The following DCDC2C variants were observed in gnomAD, a reference collection of about 807,000 sequenced individuals.
DCDC2C encodes doublecortin domain containing 2C, also known as doublecortin domain-containing protein 2C.
DCDC2C carries 44 observed loss-of-function variants against 45.0 expected under a neutral mutation model. The observed-to-expected ratio is 0.98, with a 90% confidence interval of 0.77 to 1.26. The LOEUF is 1.26. Ranked by LOEUF, DCDC2C falls within the 50% of genes most tolerant of loss-of-function variation. The pLI, the probability that DCDC2C is intolerant of heterozygous loss-of-function variation, is 0.00. For synonymous variants in DCDC2C, 187 were observed against 178.8 expected, an observed-to-expected ratio of 1.05 and a Z score of -0.37; for missense variants, 447 against 468.9, an observed-to-expected ratio of 0.95 and a Z score of 0.43.
intron 10 of DCDC2C, among the ~76,000 whole-genome samples, chr2:3,826,031 A>C (rs1435952725): frequency 5.3e-5 from 8 of 152,202 alleles, no homozygotes; most frequent in African/African-American, 1.7e-4. Context: ...TTTAAGAAAA[A>C]GTTGCCCTTA....
At chr2:3,709,915 G>A (rs115713705) in intron 2 of DCDC2C, among the ~76,000 whole-genome samples, 1,767 of 152,240 alleles carry the variant, frequency 0.012, 38 homozygotes, top group African/African-American at 0.039. Flanking sequence ...GTCTACAGAC[G>A]TGAAACACTG....
chr2:3,752,964 C>G, intron 5 of DCDC2C, 64 bp downstream of exon 5: 1 of 1,506,512 alleles, frequency 6.6e-7, no homozygotes, highest in Middle Eastern at 1.7e-4. Flanking sequence ...TCCCCAGTAT[C>G]TCTCCCAAAT....
intron 6 of DCDC2C, among the ~76,000 whole-genome samples, chr2:3,764,593 A>G (rs567888452): frequency 2.0e-5 from 3 of 152,358 alleles, no homozygotes; most frequent in African/African-American, 7.2e-5. Flanking sequence ...TTCCCCAGCC[A>G]TGTGGAACTG....
intron 8 of DCDC2C, among the ~76,000 whole-genome samples, chr2:3,777,146 T>C (rs544757706): frequency 6.6e-6 from 1 of 152,358 alleles, no homozygotes; most frequent in South Asian, 2.1e-4. Context: ...GTGCACATGC[T>C]GCTCCATGCA....
At chr2:3,715,576 TTCCATCCA>T (rs59747438) in intron 2 of DCDC2C, among the ~76,000 whole-genome samples, 3 of 151,046 alleles carry the variant, frequency 2.0e-5, no homozygotes, top group Admixed American at 6.6e-5. Flanking sequence ...ATCCTAAACT[TTCCATCCA>T]TCCATCCATC....
chr2:3,807,708 T>C (rs1671288154), intron 10 of DCDC2C, among the ~76,000 whole-genome samples: 1 of 152,084 alleles, frequency 6.6e-6, no homozygotes, highest in African/African-American at 2.4e-5. Context: ...CCAAATTCTC[T>C]TGGGCCCCTC....
chr2:3,707,827 T>G (rs113829657), intron 1 of DCDC2C, among the ~76,000 whole-genome samples: 1 of 152,314 alleles, frequency 6.6e-6, no homozygotes, highest in African/African-American at 2.4e-5. Context: ...TTTCTTCCCC[T>G]TCTATTTACC....
chr2:3,799,940 G>T (rs1050747950), intron 10 of DCDC2C, among the ~76,000 whole-genome samples: 2 of 152,242 alleles, frequency 1.3e-5, no homozygotes, highest in Non-Finnish European at 2.9e-5. Context: ...AGCAATCCTG[G>T]GCAATGGCGG....
chr2:3,752,516 A>G (rs1216414122), intron 4 of DCDC2C: 6 of 557,730 alleles, frequency 1.1e-5, no homozygotes, highest in African/African-American at 7.4e-5. Context: ...TCAAGAGCCT[A>G]TGAGCACTTG....
At chr2:3,787,464 A>G (rs1393083362) in intron 10 of DCDC2C, among the ~76,000 whole-genome samples, 3 of 152,204 alleles carry the variant, frequency 2.0e-5, no homozygotes, top group Non-Finnish European at 4.4e-5. Flanking sequence ...CTCTAATATA[A>G]TCATGACTCC....
At chr2:3,788,448 A>ATTG (rs1670711967) in intron 10 of DCDC2C, 1 of 152,222 alleles carries the variant, frequency 6.6e-6, no homozygotes, top group Non-Finnish European at 1.5e-5. Context: ...ACAGCCAAGC[A>ATTG]GCACGACAGG....
intron 3 of DCDC2C, among the ~76,000 whole-genome samples, chr2:3,739,971 A>G (rs1669155825): frequency 6.6e-6 from 1 of 152,138 alleles, no homozygotes; most frequent in Non-Finnish European, 1.5e-5. Flanking sequence ...GCAGTGGGGC[A>G]CTGAAGAAGC....
chr2:3,718,751 C>T (rs185242489), intron 2 of DCDC2C, among the ~76,000 whole-genome samples: 13 of 152,222 alleles, frequency 8.5e-5, no homozygotes, highest in East Asian at 5.8e-4. Context: ...TGGTTCCTGC[C>T]GGTGGGTTTG....
intron 10 of DCDC2C, among the ~76,000 whole-genome samples, chr2:3,819,235 G>C (rs1324774224): frequency 2.0e-5 from 3 of 152,222 alleles, no homozygotes; most frequent in Non-Finnish European, 4.4e-5. Flanking sequence ...AGGGGTTCTG[G>C]GAGTGGCTGC....
chr2:3,732,381 T>C (rs1441685450), intron 3 of DCDC2C, among the ~76,000 whole-genome samples: 1 of 152,116 alleles, frequency 6.6e-6, no homozygotes, highest in Non-Finnish European at 1.5e-5. Context: ...TGGTTTGAGA[T>C]CTCTGGTTGG....
chr2:3,820,287 C>T (rs967804375), intron 10 of DCDC2C, among the ~76,000 whole-genome samples: 8 of 151,960 alleles, frequency 5.3e-5, no homozygotes, highest in South Asian at 2.1e-4. Context: ...GAAAATAAGA[C>T]GCTTAAGTTT....
chr2:3,803,907 G>A (rs1046642055), intron 10 of DCDC2C, among the ~76,000 whole-genome samples: 6 of 152,162 alleles, frequency 3.9e-5, no homozygotes, highest in East Asian at 3.9e-4. Context: ...TGACTCTTCC[G>A]TGTTTTCCCC....
chr2:3,813,820 A>C (rs1327532321), intron 10 of DCDC2C, among the ~76,000 whole-genome samples: 5 of 148,366 alleles, frequency 3.4e-5, no homozygotes, highest in Non-Finnish European at 3.0e-5. Flanking sequence ...TGCACATGAG[A>C]TAGGTCTCCT....
At chr2:3,802,531 C>T (rs1056335003) in intron 10 of DCDC2C, among the ~76,000 whole-genome samples, 2 of 152,162 alleles carry the variant, frequency 1.3e-5, no homozygotes, top group Non-Finnish European at 2.9e-5. Flanking sequence ...TATATTCCCT[C>T]CAGTTTGGGA....
Sources: allele counts gnomAD v4.1 joint callset (sites outside exome capture counted in the v4.1 genomes callset), GRCh38; gene constraint gnomAD v4.1.1; transcripts MANE v1.5; gene names NCBI Gene and HGNC (gene_info 2026-07-23, HGNC 2026-07-21).